The following KCNT2 variants were observed in gnomAD, a reference collection of about 807,000 sequenced individuals.
KCNT2 encodes potassium channel subfamily T member 2.
A neutral mutation model predicts 153.8 loss-of-function variants in KCNT2; 67 were observed. The observed-to-expected ratio is 0.44, with a 90% CI of 0.36 to 0.53. The LOEUF (loss-of-function observed/expected upper bound fraction) is 0.53, where lower values mean the gene tolerates loss of function less well. Among genes scored for constraint, KCNT2 ranks in the 20% least tolerant of loss-of-function variants. The pLI is 0.00. For missense variants in KCNT2, 975 were observed against 1,354.8 expected (o/e 0.72, Z 4.40); for synonymous variants, 500 against 458.8 (o/e 1.09, Z -1.15).
chr1:196,428,334 C>T, intron 9 of KCNT2, 65 bp from the exon 10 acceptor site: 1 of 1,127,428 alleles, frequency 8.9e-7, no homozygotes, highest in Non-Finnish European at 1.3e-6. Flanking sequence ...CAATGCAATA[C>T]ATCTATTGTT....
intron 4 of KCNT2, among the ~76,000 whole-genome samples, chr1:196,481,759 A>G (rs1481577756): frequency 6.6e-6 from 1 of 152,184 alleles, no homozygotes; most frequent in Non-Finnish European, 1.5e-5. Flanking sequence ...CACCTCAACA[A>G]TATAAATCAG....
chr1:196,439,036 G>A (rs1674983064), intron 8 of KCNT2, among the ~76,000 whole-genome samples: 1 of 151,794 alleles, frequency 6.6e-6, no homozygotes, highest in African/African-American at 2.4e-5. Flanking sequence ...TTAGGAAGCA[G>A]ATAAATCTCG....
intron 21 of KCNT2, among the ~76,000 whole-genome samples, chr1:196,308,137 GT>G (rs1279139619): frequency 6.6e-6 from 1 of 151,530 alleles, no homozygotes; most frequent in Non-Finnish European, 1.5e-5. Context: ...CGGATCTAAG[GT>G]TCTCCTCTTT....
At chr1:196,234,699 T>G (rs1027052586) in intron 27 of KCNT2, among the ~76,000 whole-genome samples, 8 of 151,470 alleles carry the variant, frequency 5.3e-5, no homozygotes, top group Non-Finnish European at 1.0e-4. Flanking sequence ...TTTTGCATAT[T>G]ATTACATTTA....
rs190551656 is a variant in KCNT2 at position 196,355,470 on chromosome 1, G to C, written c.1404-13242C>G. Among the ~76,000 whole-genome samples the C allele has an allele frequency of 2.0e-5, 3 of 151,718 alleles. No homozygotes were observed. The Admixed American group carries it at 2.0e-4, about 10-fold the overall frequency. ...GGAGAGAATAGGAAAATGCTAAATA[G>C]TTTTCAAGCATTATTGACAGTGATC... On this transcript the variant is annotated intron_variant, in intron 14 of 27. Transcript: ENST00000294725.
Position 196,228,325 on chromosome 1 carries a change from G to T in KCNT2, c.3307C>A (p.Arg1103=). The T allele has an allele frequency of 6.3e-7, 1 of 1,587,050 alleles. No individual in the cohort carries two copies. The highest frequency in any genetic ancestry group is 2.2e-5 in the East Asian group (1 of 44,546). Residue 1103 remains arginine (R), a synonymous_variant, in exon 28 of 28, where the codon CGA becomes AGA. Coordinates refer to ENST00000294725, the MANE Select transcript of KCNT2 (RefSeq NM_198503.5). Reference sequence around the variant, plus strand: ...GGAAGGTAGGCCAGTGGATCTGGTCGAATTAAGTATCTAATAAAAGAAAAC... The same window carrying T: ...GGAAGGTAGGCCAGTGGATCTGGTCTAATTAAGTATCTAATAAAAGAAAAC... ...IELNDVVYLI[R]PDPLAYLPNS... is the part of the protein sequence containing the mutation.
chr1:196,532,189 C>A (rs905445601), intron 1 of KCNT2, among the ~76,000 whole-genome samples: 1 of 152,014 alleles, frequency 6.6e-6, no homozygotes, highest in African/African-American at 2.4e-5. Context: ...CATGAGACAT[C>A]TTTTCAAAGC....
At chr1:196,434,014 G>A (rs1395785217) in intron 8 of KCNT2, among the ~76,000 whole-genome samples, 2 of 151,604 alleles carry the variant, frequency 1.3e-5, no homozygotes, top group East Asian at 1.9e-4. Flanking sequence ...CAGCAAAATC[G>A]CCCTCGTTTT....
intron 12 of KCNT2, among the ~76,000 whole-genome samples, chr1:196,404,699 C>G (rs1006314544): frequency 1.3e-5 from 2 of 151,392 alleles, no homozygotes; most frequent in Non-Finnish European, 3.0e-5. Flanking sequence ...AACAATTAAC[C>G]CCATCTAATT....
intron 5 of KCNT2, among the ~76,000 whole-genome samples, 180 bp from the exon 6 acceptor site, chr1:196,469,248 C>G (rs1337904805): frequency 6.6e-6 from 1 of 152,064 alleles, no homozygotes; most frequent in Non-Finnish European, 1.5e-5. Flanking sequence ...TAATTGTGCT[C>G]TCTCAATTTT....
At chr1:196,264,665 C>T (rs983859775) in intron 25 of KCNT2, among the ~76,000 whole-genome samples, 1 of 151,996 alleles carries the variant, frequency 6.6e-6, no homozygotes, top group African/African-American at 2.4e-5. Context: ...CAGGGTCTTG[C>T]TCTGTTGCCT....
chr1:196,543,647 A>T (rs1344566092), intron 1 of KCNT2, among the ~76,000 whole-genome samples: 1 of 152,244 alleles, frequency 6.6e-6, no homozygotes, highest in Non-Finnish European at 1.5e-5. Flanking sequence ...AATTTTCTGG[A>T]TGGTCCTTAA....
chr1:196,256,833 C>A (rs1004778822), intron 26 of KCNT2, among the ~76,000 whole-genome samples: 9 of 151,658 alleles, frequency 5.9e-5, no homozygotes, highest in Admixed American at 5.3e-4. Flanking sequence ...AAGGCTGAGA[C>A]CCGCTGGGCT....
chr1:196,482,289 A>G (rs781776355), intron 4 of KCNT2, 42 bp downstream of exon 4: 3 of 1,299,660 alleles, frequency 2.3e-6, no homozygotes, highest in Non-Finnish European at 3.3e-6. Flanking sequence ...TGAAATGTGA[A>G]TAAACCCAGA....
chr1:196,290,650 T>G (rs769140306), intron 22 of KCNT2, among the ~76,000 whole-genome samples: 5 of 151,916 alleles, frequency 3.3e-5, no homozygotes, highest in Non-Finnish European at 5.9e-5. Flanking sequence ...TTTTTTTACT[T>G]ATGTACTATA....
rs1663088023 is a variant in KCNT2, at chr1:196,589,508, C to G, written c.95+18707G>C. On this transcript the variant is annotated intron_variant, in intron 1 of 27. Coordinates refer to ENST00000294725, the MANE Select transcript of KCNT2 (RefSeq NM_198503.5). Reference sequence around the variant, plus strand: ...TCTAAGTTTAAGCATAACATTTTTCCTCATGTTTCCATTCTGAAACCGTCT... The same window carrying G: ...TCTAAGTTTAAGCATAACATTTTTCGTCATGTTTCCATTCTGAAACCGTCT... Among the ~76,000 whole-genome samples the G allele has an allele frequency of 2.0e-5, 3 of 151,784 alleles. No individual in the cohort carries two copies. In the South Asian group the frequency reaches 6.2e-4, roughly 31 times the overall value.
intron 1 of KCNT2, among the ~76,000 whole-genome samples, chr1:196,589,008 C>G (rs1163548834): frequency 6.6e-6 from 1 of 151,860 alleles, no homozygotes; most frequent in East Asian, 1.9e-4. Flanking sequence ...TGTAAAATAT[C>G]AACATCAAAG....
chr1:196,399,786 A>G (rs904581903), intron 12 of KCNT2, among the ~76,000 whole-genome samples: 2 of 151,786 alleles, frequency 1.3e-5, no homozygotes, highest in Non-Finnish European at 2.9e-5. Context: ...GGCAGTCATC[A>G]TGAATGGGAT....
intron 13 of KCNT2, among the ~76,000 whole-genome samples, chr1:196,398,291 T>A (rs1389092578): frequency 6.6e-6 from 1 of 151,498 alleles, no homozygotes; most frequent in Admixed American, 6.6e-5. Flanking sequence ...CTACTACTGC[T>A]AATATATTTA....
Sources: allele counts gnomAD v4.1 joint callset (sites outside exome capture counted in the v4.1 genomes callset), GRCh38; gene constraint gnomAD v4.1.1; transcripts MANE v1.5; gene names NCBI Gene and HGNC (gene_info 2026-07-23, HGNC 2026-07-21).